The following HTR2C variants were observed in gnomAD, a reference collection of about 807,000 sequenced individuals.
HTR2C encodes the protein 5-hydroxytryptamine (serotonin) receptor 2C, G protein-coupled.
Under a neutral mutation model 21.0 loss-of-function variants are expected in HTR2C, and 5 were observed. The ratio of observed to expected loss-of-function variants is 0.24; its 90% CI spans 0.12 to 0.50. The LOEUF is 0.50. Ranked by LOEUF, HTR2C falls within the 20% of genes least tolerant of loss-of-function variation. The pLI is 0.98. For missense variants in HTR2C, 271 were observed against 371.2 expected (o/e 0.73, Z 2.22); for synonymous variants, 150 against 145.3 (o/e 1.03, Z -0.23).
chrX:114,764,377 G>A (rs2069914277), intron 4 of HTR2C, among the ~76,000 whole-genome samples: 1 of 100,359 alleles, frequency 1.0e-5, no homozygotes, highest in Non-Finnish European at 2.0e-5. Context: ...CAGCCTGAGG[G>A]CAACAAGAGT....
At chrX:114,620,846 G>A (rs782700590) in intron 2 of HTR2C, among the ~76,000 whole-genome samples, 1 of 111,605 alleles carries the variant, frequency 9.0e-6, no homozygotes, top group Non-Finnish European at 1.9e-5. Flanking sequence ...CTAGACTAGT[G>A]CAGTCAGTCT....
chrX:114,904,660 TC>T (rs1217310611), intron 5 of HTR2C, among the ~76,000 whole-genome samples: 1 of 111,359 alleles, frequency 9.0e-6, no homozygotes, highest in Admixed American at 9.6e-5. Flanking sequence ...ATATATAAGT[TC>T]CCCCTCTAAC....
intron 1 of HTR2C, among the ~76,000 whole-genome samples, chrX:114,598,460 T>C: frequency 9.0e-6 from 1 of 111,469 alleles, no homozygotes. Flanking sequence ...GTTGAGTGCC[T>C]TTTGTGTGTT....
intron 4 of HTR2C, among the ~76,000 whole-genome samples, chrX:114,806,253 TAC>T (rs1556449430): frequency 1.0e-5 from 1 of 99,116 alleles, no homozygotes; most frequent in Non-Finnish European, 2.0e-5. Context: ...ACCATATATA[TAC>T]ACCACATATA....
At chrX:114,792,279 C>T (rs1043290142) in intron 4 of HTR2C, among the ~76,000 whole-genome samples, 1 of 110,566 alleles carries the variant, frequency 9.0e-6, no homozygotes, top group Non-Finnish European at 1.9e-5. Context: ...CCTCCCCTCA[C>T]CCACACCAAC....
At position 114,906,496 on chromosome X, in the gene HTR2C, C is replaced by T; in HGVS notation, c.551-93C>T. On this transcript the variant is annotated intron_variant, in intron 5 of 5. Coordinates refer to ENST00000276198, the MANE Select transcript of HTR2C (RefSeq NM_000868.4). ...TCAACAAATATCAGGTCTGAATTTC[C>T]TTCCGTAAAATGCAAATTAATGTAT... 5 of 634,463 alleles carry T rather than the reference C, an allele frequency of 7.9e-6. No individual in the cohort carries two copies. In the South Asian group the frequency reaches 1.3e-4, roughly 17 times the overall value. The allele number at this position is 634,463 out of a possible 1,213,427, so 52.3% of individuals were successfully genotyped here. A position where few individuals can be genotyped will look rare whatever the true frequency, so the allele number is the denominator to read the frequency against.
intron 4 of HTR2C, among the ~76,000 whole-genome samples, chrX:114,736,804 T>C (rs1483004065): frequency 1.8e-5 from 2 of 112,128 alleles, no homozygotes; most frequent in Admixed American, 9.5e-5. Context: ...AAGTTCTTTT[T>C]GATAACAATG....
chrX:114,830,431 GC>G (rs1358265602), intron 4 of HTR2C, among the ~76,000 whole-genome samples: 1 of 110,693 alleles, frequency 9.0e-6, no homozygotes, highest in African/African-American at 3.3e-5. Context: ...TTATTGTCTT[GC>G]CCAATTAGTC....
intron 4 of HTR2C, among the ~76,000 whole-genome samples, chrX:114,834,219 G>T (rs145510184): frequency 2.4e-4 from 27 of 110,424 alleles, no homozygotes; most frequent in Non-Finnish European, 3.8e-4. Context: ...TATTAGGTCC[G>T]CTTGATGCAA....
At chrX:114,833,039 AG>A (rs1280397224) in intron 4 of HTR2C, among the ~76,000 whole-genome samples, 1 of 87,501 alleles carries the variant, frequency 1.1e-5, no homozygotes, top group Non-Finnish European at 2.3e-5. Context: ...CTTGCATCCC[AG>A]GGATGAAGCC....
chrX:114,674,790 T>G (rs1269453868), intron 2 of HTR2C, among the ~76,000 whole-genome samples: 1 of 111,764 alleles, frequency 8.9e-6, no homozygotes, highest in African/African-American at 3.2e-5. Flanking sequence ...TTCCCTAAGA[T>G]GTATTAAAAG....
intron 2 of HTR2C, among the ~76,000 whole-genome samples, chrX:114,700,934 C>T (rs782139402): frequency 9.9e-5 from 11 of 111,095 alleles, no homozygotes; most frequent in South Asian, 7.4e-4. Flanking sequence ...GAGGGTCCTA[C>T]GCCCACGGAG....
rs376003801 is a variant in HTR2C at position 114,807,135 on chromosome X, A to G, written c.350-40868A>G. Reference sequence around the variant, plus strand: ...TATATATATACCATATATACACCATATATATACCATATATACACCATATAT... The same window carrying G: ...TATATATATACCATATATACACCATGTATATACCATATATACACCATATAT... On this transcript the variant is annotated intron_variant, in intron 4 of 5. Coordinates refer to ENST00000276198, the MANE Select transcript of HTR2C (RefSeq NM_000868.4). 1.9e-3 allele frequency among the ~76,000 whole-genome samples: 23 copies of G among 12,026 alleles called. 7 individuals are homozygous for G. The highest frequency in any genetic ancestry group is 2.8e-3 in the African/African-American group (8 of 2,812). The allele number at this position is 12,026 out of a possible 115,157, so 10.4% of individuals were successfully genotyped here. A position where few individuals can be genotyped will look rare whatever the true frequency, so the allele number is the denominator to read the frequency against.
At chrX:114,821,628 C>T (rs1248309822) in intron 4 of HTR2C, among the ~76,000 whole-genome samples, 1 of 111,246 alleles carries the variant, frequency 9.0e-6, no homozygotes, top group Non-Finnish European at 1.9e-5. Flanking sequence ...ATAAGCCATA[C>T]ATTATTTAGA....
chrX:114,862,887 T>C (rs2071017319), intron 5 of HTR2C, among the ~76,000 whole-genome samples: 2 of 110,947 alleles, frequency 1.8e-5, no homozygotes, highest in Admixed American at 1.9e-4. Context: ...TTTGAACTTC[T>C]TAACCAACTT....
chrX:114,585,564 C>T (rs1484049979), intron 1 of HTR2C, among the ~76,000 whole-genome samples: 2 of 111,151 alleles, frequency 1.8e-5, no homozygotes, highest in East Asian at 5.7e-4. Flanking sequence ...TTCGTCATTG[C>T]AAAACGTGTC....
At chrX:114,641,059 T>C (rs1209647446) in intron 2 of HTR2C, among the ~76,000 whole-genome samples, 1 of 102,093 alleles carries the variant, frequency 9.8e-6, no homozygotes, top group East Asian at 3.0e-4. Context: ...TTTCTTTTTT[T>C]CTTTTCTTTT....
In HTR2C at chrX:114,908,830, G is replaced by T. The variant is rs1481537725; in HGVS notation, c.*1415G>T. The T allele has an allele frequency of 5.3e-5, 6 of 112,659 alleles. No homozygotes were observed. The highest frequency in any genetic ancestry group is 1.9e-4 in the African/African-American group (6 of 30,946). 9.3% of individuals were successfully genotyped at this position (112,659 alleles called of 1,213,427 possible). On this transcript the variant is annotated 3_prime_UTR_variant, in exon 6 of 6. Transcript: ENST00000276198. ...AGTTTTCAAGCATTGCTAAAGTCAG[G>T]CCATTCAGTCTATGCTGTGTGCAGA... is the stretch of plus-strand genomic sequence containing the variant.
intron 4 of HTR2C, among the ~76,000 whole-genome samples, chrX:114,789,892 T>C (rs185177709): frequency 2.7e-4 from 30 of 111,897 alleles, no homozygotes; most frequent in Admixed American, 2.3e-3. Context: ...GTAAGCAACA[T>C]GTAAGTATTG....
Sources: gnomAD v4.1 joint callset for allele counts (sites outside exome capture counted in the v4.1 genomes callset) on GRCh38, gnomAD v4.1.1 for gene constraint, MANE v1.5 for transcripts, NCBI Gene and HGNC (gene_info 2026-07-23, HGNC 2026-07-21) for gene names.